DCAF6: variants seen among roughly 807,000 people sequenced by gnomAD.
DCAF6 encodes DDB1- and CUL4-associated factor 6.
A neutral mutation model predicts 125.1 loss-of-function variants in DCAF6; 54 were observed. That is an observed-to-expected ratio of 0.43 (90% confidence interval 0.35 to 0.54). The LOEUF (loss-of-function observed/expected upper bound fraction) is 0.54. Ranked by LOEUF, DCAF6 falls within the 20% of genes least tolerant of loss-of-function variation. The probability of loss-of-function intolerance (pLI) is 0.01; values close to 1 mark genes in which losing one functional copy is unlikely to be tolerated. For missense variants in DCAF6, 934 were observed against 1,161.7 expected (o/e 0.80, Z 2.85); for synonymous variants, 371 against 390.4 (o/e 0.95, Z 0.58).
At chr1:167,886,617 C>CA in the DCAF6 span, among the ~76,000 whole-genome samples, 41 of 152,258 alleles carry the variant, frequency 2.7e-4, no homozygotes, top group South Asian at 8.5e-3. Context: ...TAGGCAATAC[C>CA]ATTCAGTACA....
At chr1:167,869,592 C>T in the DCAF6 span, among the ~76,000 whole-genome samples, 1 of 152,218 alleles carries the variant, frequency 6.6e-6, no homozygotes, top group Non-Finnish European at 1.5e-5. Context: ...GACCCCTGAC[C>T]TAGCAACTGT....
At chr1:168,030,438 CAG>C (rs1484302321) in intron 12 of DCAF6, among the ~76,000 whole-genome samples, 1 of 152,168 alleles carries the variant, frequency 6.6e-6, no homozygotes, top group Non-Finnish European at 1.5e-5. Flanking sequence ...ATTTTAAGAA[CAG>C]AGGGAAGCTA....
At chr1:167,893,233 T>C in the DCAF6 span, among the ~76,000 whole-genome samples, 1 of 152,218 alleles carries the variant, frequency 6.6e-6, no homozygotes, top group Non-Finnish European at 1.5e-5. Context: ...GAAGTCTTTC[T>C]GCTATGTGGC....
At chr1:168,012,992 T>C (rs1684504136) in intron 10 of DCAF6, among the ~76,000 whole-genome samples, 1 of 152,142 alleles carries the variant, frequency 6.6e-6, no homozygotes, top group Non-Finnish European at 1.5e-5. Flanking sequence ...TCCAATGAAA[T>C]TGATGGTATT....
chr1:167,962,934 G>A (rs192623351), intron 2 of DCAF6, among the ~76,000 whole-genome samples: 74 of 152,004 alleles, frequency 4.9e-4, no homozygotes, highest in African/African-American at 1.7e-3. Flanking sequence ...CCAGCCTGGC[G>A]ATGAAGCGAG....
At chr1:168,044,349 G>A (rs1688894218) in intron 14 of DCAF6, among the ~76,000 whole-genome samples, 1 of 152,074 alleles carries the variant, frequency 6.6e-6, no homozygotes, top group African/African-American at 2.4e-5. Flanking sequence ...AAGGAACATA[G>A]ATTTAAAAAC....
chr1:167,949,209 CACAATGGTAAGTTCATCCATA>C (rs926578344), intron 1 of DCAF6, among the ~76,000 whole-genome samples: 3 of 152,086 alleles, frequency 2.0e-5, no homozygotes, highest in African/African-American at 7.2e-5. Context: ...AGTTGGAAGC[CACAATGGTAAGTTCATCCATA>C]ACAAGTGTGT....
chr1:167,932,263 T>C (rs1434949277), upstream of DCAF6, among the ~76,000 whole-genome samples: 1 of 152,130 alleles, frequency 6.6e-6, no homozygotes, highest in East Asian at 1.9e-4. Flanking sequence ...TTATAAATCA[T>C]TTATATATTT....
chr1:168,062,701 C>A (rs1321668332), intron 17 of DCAF6, among the ~76,000 whole-genome samples: 1 of 151,652 alleles, frequency 6.6e-6, no homozygotes, highest in African/African-American at 2.4e-5. Flanking sequence ...TTCAAACTGA[C>A]AAAATTATTA....
chr1:168,055,341 T>TTG (rs1553249407), intron 17 of DCAF6, among the ~76,000 whole-genome samples: 2 of 17,956 alleles, frequency 1.1e-4, no homozygotes, highest in Non-Finnish European at 1.9e-4. Context: ...GTTTTTTTTT[T>TTG]TTTTTTTTTT....
At chr1:167,995,595 G>A (rs1223761079) in intron 7 of DCAF6, among the ~76,000 whole-genome samples, 1 of 151,260 alleles carries the variant, frequency 6.6e-6, no homozygotes, top group East Asian at 1.9e-4. Context: ...CAGGAGAATT[G>A]CTTGAACCCA....
intron 13 of DCAF6, among the ~76,000 whole-genome samples, chr1:168,038,692 GT>G (rs149785081): frequency 0.022 from 3,344 of 152,150 alleles, 107 homozygotes; most frequent in African/African-American, 0.072. Context: ...TGGAGTGGGG[GT>G]CTGAGAATTT....
At chr1:167,971,479 G>A (rs998378455) in intron 3 of DCAF6, among the ~76,000 whole-genome samples, 3 of 152,120 alleles carry the variant, frequency 2.0e-5, no homozygotes, top group African/African-American at 2.4e-5. Flanking sequence ...TATGGGTCAG[G>A]TTTGAAAGGG....
At chr1:168,011,440 G>A (rs1297221944) in intron 10 of DCAF6, among the ~76,000 whole-genome samples, 1 of 152,122 alleles carries the variant, frequency 6.6e-6, no homozygotes, top group Non-Finnish European at 1.5e-5. Context: ...GATAGCATAT[G>A]ATGTGGTCTG....
the DCAF6 span, among the ~76,000 whole-genome samples, chr1:167,878,229 C>T: frequency 6.6e-6 from 1 of 152,130 alleles, no homozygotes; most frequent in East Asian, 1.9e-4. Flanking sequence ...CCCTCATATT[C>T]TCAGATCTGA....
At chr1:168,032,292 G>C (rs897053934) in intron 12 of DCAF6, among the ~76,000 whole-genome samples, 1 of 152,238 alleles carries the variant, frequency 6.6e-6, no homozygotes, top group African/African-American at 2.4e-5. Context: ...TTGCCTCACA[G>C]TTATCTGTAG....
chr1:167,895,027 C>G, the DCAF6 span, among the ~76,000 whole-genome samples: 1 of 151,918 alleles, frequency 6.6e-6, no homozygotes, highest in Non-Finnish European at 1.5e-5. Context: ...ACTAAAAATA[C>G]AAAAATTAGC....
intron 11 of DCAF6, among the ~76,000 whole-genome samples, chr1:168,022,033 A>T (rs1685733228): frequency 6.6e-6 from 1 of 152,036 alleles, no homozygotes; most frequent in Non-Finnish European, 1.5e-5. Flanking sequence ...GCCCTACTGG[A>T]ACACCTATTC....
At chr1:168,061,202 G>A (rs142472894) in intron 17 of DCAF6, among the ~76,000 whole-genome samples, 1 of 152,220 alleles carries the variant, frequency 6.6e-6, no homozygotes, top group African/African-American at 2.4e-5. Flanking sequence ...GCTTTTCTGG[G>A]AGTTTCTAAC....
Sources: gnomAD v4.1 joint callset for allele counts (sites outside exome capture counted in the v4.1 genomes callset) on GRCh38, gnomAD v4.1.1 for gene constraint, MANE v1.5 for transcripts, NCBI Gene and HGNC (gene_info 2026-07-23, HGNC 2026-07-21) for gene names.